SLC24A4: variants seen among roughly 807,000 people sequenced by gnomAD.
The protein encoded by SLC24A4 is sodium/potassium/calcium exchanger 4.
Under a neutral mutation model 79.0 loss-of-function variants are expected in SLC24A4, and 53 were observed. The observed-to-expected ratio is 0.67, with a 90% confidence interval of 0.54 to 0.84. SLC24A4 has a LOEUF of 0.84. Among genes scored for constraint, SLC24A4 ranks in the 40% least tolerant of loss-of-function variants. The pLI, the probability that SLC24A4 is intolerant of heterozygous loss-of-function variation, is 0.00. For missense variants in SLC24A4, 731 were observed against 822.0 expected (o/e 0.89, Z 1.35); for synonymous variants, 323 against 323.8 (o/e 1.00, Z 0.03).
At chr14:92,369,843 C>T (rs894817573) in intron 2 of SLC24A4, among the ~76,000 whole-genome samples, 1 of 152,192 alleles carries the variant, frequency 6.6e-6, no homozygotes, top group Non-Finnish European at 1.5e-5. Context: ...CACACATTGT[C>T]AAATGTCTCC....
intron 12 of SLC24A4, among the ~76,000 whole-genome samples, chr14:92,473,332 G>T (rs1362896741): frequency 6.6e-6 from 1 of 152,180 alleles, no homozygotes; most frequent in Non-Finnish European, 1.5e-5. Flanking sequence ...GAGAACAACT[G>T]GTTTAGTCTC....
chr14:92,414,973 C>T (rs1233824245), intron 2 of SLC24A4, among the ~76,000 whole-genome samples: 5 of 152,150 alleles, frequency 3.3e-5, no homozygotes, highest in African/African-American at 7.2e-5. Flanking sequence ...GCCCTTGCCA[C>T]GATGCGTGGT....
At chr14:92,366,985 C>G (rs1314200874) in intron 2 of SLC24A4, among the ~76,000 whole-genome samples, 2 of 152,034 alleles carry the variant, frequency 1.3e-5, no homozygotes, top group African/African-American at 4.8e-5. Context: ...CCTCCTGGCT[C>G]AGGTTGAGGA....
intron 2 of SLC24A4, among the ~76,000 whole-genome samples, chr14:92,392,095 C>A (rs1889503215): frequency 6.6e-6 from 1 of 152,078 alleles, no homozygotes; most frequent in Non-Finnish European, 1.5e-5. Flanking sequence ...CAAACAACTC[C>A]TTCCTCCTTC....
chr14:92,474,843 G>GTGTGTGTGTGTGTGTA (rs779007741), intron 12 of SLC24A4, among the ~76,000 whole-genome samples: 10 of 23,886 alleles, frequency 4.2e-4, no homozygotes, highest in Non-Finnish European at 7.3e-4. Context: ...GTGTGTGTGT[G>GTGTGTGTGTGTGTGTA]TATATATATA....
chr14:92,405,041 TGAAA>T (rs1890304297), intron 2 of SLC24A4, among the ~76,000 whole-genome samples: 1 of 151,824 alleles, frequency 6.6e-6, no homozygotes, highest in Non-Finnish European at 1.5e-5. Context: ...TCTGCCTCCC[TGAAA>T]AGAGAGGCCA....
At chr14:92,432,270 C>T (rs886631286) in intron 2 of SLC24A4, among the ~76,000 whole-genome samples, 2 of 152,204 alleles carry the variant, frequency 1.3e-5, no homozygotes, top group Non-Finnish European at 2.9e-5. Flanking sequence ...AACCAACGCC[C>T]CTTCCCTGCT....
intron 12 of SLC24A4, among the ~76,000 whole-genome samples, chr14:92,474,577 C>G (rs976945319): frequency 6.6e-6 from 1 of 151,362 alleles, no homozygotes; most frequent in African/African-American, 2.4e-5. Flanking sequence ...CTCCACATCC[C>G]GGATTCAAGC....
At chr14:92,334,316 G>A (rs1885650968) in intron 2 of SLC24A4, among the ~76,000 whole-genome samples, 1 of 152,178 alleles carries the variant, frequency 6.6e-6, no homozygotes, top group African/African-American at 2.4e-5. Flanking sequence ...GCTTCTTGGG[G>A]AAACTGTCAC....
intron 2 of SLC24A4, among the ~76,000 whole-genome samples, chr14:92,344,667 A>G (rs908666419): frequency 2.0e-5 from 3 of 152,104 alleles, no homozygotes; most frequent in Non-Finnish European, 4.4e-5. Context: ...TCCAGGGATG[A>G]GGGAGGAGGG....
intron 2 of SLC24A4, among the ~76,000 whole-genome samples, chr14:92,390,760 A>G (rs1334681736): frequency 6.6e-6 from 1 of 152,192 alleles, no homozygotes; most frequent in Non-Finnish European, 1.5e-5. Flanking sequence ...ACCAGGGAAC[A>G]TTCCGATTCC....
At chr14:92,325,033 T>G (rs1303560045) in intron 1 of SLC24A4, among the ~76,000 whole-genome samples, 1 of 152,192 alleles carries the variant, frequency 6.6e-6, no homozygotes, top group Non-Finnish European at 1.5e-5. Flanking sequence ...ATTTTGAATA[T>G]CTTAGTACCT....
intron 5 of SLC24A4, 34 bp from the exon 6 acceptor site, chr14:92,442,679 G>T: frequency 6.6e-7 from 1 of 1,511,928 alleles, no homozygotes; most frequent in East Asian, 2.3e-5. Context: ...GGGACGTGTG[G>T]CTGAGGCCCA....
chr14:92,364,643 C>T (rs571185018), intron 2 of SLC24A4, among the ~76,000 whole-genome samples: 102 of 152,286 alleles, frequency 6.7e-4, no homozygotes, highest in Non-Finnish European at 9.1e-4. Flanking sequence ...GAGGGAGGCA[C>T]AGCCTCTGTC....
intron 2 of SLC24A4, among the ~76,000 whole-genome samples, chr14:92,357,389 C>T (rs569792900): frequency 6.6e-6 from 1 of 152,328 alleles, no homozygotes; most frequent in Admixed American, 6.5e-5. Context: ...GATATTTGTA[C>T]ACCCAGGCAC....
chr14:92,485,635 C>T (rs1169874967), intron 13 of SLC24A4, among the ~76,000 whole-genome samples: 1 of 151,976 alleles, frequency 6.6e-6, no homozygotes, highest in Non-Finnish European at 1.5e-5. Context: ...ATTTCTCTTA[C>T]TGAAGTGTAT....
intron 12 of SLC24A4, among the ~76,000 whole-genome samples, chr14:92,474,863 A>ATATATATATATATATATTTTT (rs36185636): frequency 3.5e-5 from 2 of 57,124 alleles, no homozygotes; most frequent in South Asian, 5.7e-4. Flanking sequence ...ATATATATAT[A>ATATATATATATATATATTTTT]TTTTTTTTTT....
chr14:92,347,589 C>A (rs1886612927), intron 2 of SLC24A4, among the ~76,000 whole-genome samples: 1 of 152,216 alleles, frequency 6.6e-6, no homozygotes, highest in Admixed American at 6.5e-5. Context: ...TGGCTTTCAA[C>A]CTTTTACTCT....
At chr14:92,492,989 C>G in intron 16 of SLC24A4, 6 of 374,688 alleles carry the variant, frequency 1.6e-5, no homozygotes, top group South Asian at 1.2e-4. Context: ...CACACACACA[C>G]ACACACACAC....
Sources: gnomAD v4.1 joint callset for allele counts (sites outside exome capture counted in the v4.1 genomes callset) on GRCh38, gnomAD v4.1.1 for gene constraint, MANE v1.5 for transcripts, NCBI Gene and HGNC (gene_info 2026-07-23, HGNC 2026-07-21) for gene names.